Variants in ZNF799 observed in about 807,000 individuals in gnomAD.
ZNF799 encodes zinc finger protein 14.
ZNF799 carries 28 observed loss-of-function variants against 41.0 expected under a neutral mutation model. That is an observed-to-expected ratio of 0.68 (90% CI 0.51 to 0.94). The LOEUF (loss-of-function observed/expected upper bound fraction) is 0.94. Among genes scored for constraint, ZNF799 ranks in the 40% least tolerant of loss-of-function variants. The pLI is 0.00. For synonymous variants in ZNF799, 213 were observed against 252.9 expected (o/e 0.84, Z 1.50); for missense variants, 716 against 764.3 (o/e 0.94, Z 0.74).
chr19:12,396,416 A>C (rs1181747410), intron 1 of ZNF799, among the ~76,000 whole-genome samples: 2 of 152,304 alleles, frequency 1.3e-5, no homozygotes, highest in East Asian at 1.9e-4. Flanking sequence ...TTGGGAGGCC[A>C]AGGTGTGTGG....
chr19:12,392,768 T>C, intron 2 of ZNF799, 105 bp from the exon 3 acceptor site: 1 of 824,150 alleles, frequency 1.2e-6, no homozygotes, highest in East Asian at 2.6e-5. Flanking sequence ...TTCACTGAAG[T>C]ACACCTGACT....
intron 1 of ZNF799, among the ~76,000 whole-genome samples, chr19:12,397,734 T>C (rs1969918799): frequency 6.6e-6 from 1 of 151,526 alleles, no homozygotes; most frequent in South Asian, 2.1e-4. Context: ...ATTATATATG[T>C]ACATATGAAT....
At chr19:12,392,811 C>A (rs1797437885) in intron 2 of ZNF799, 148 bp from the exon 3 acceptor site, 1 of 586,670 alleles carries the variant, frequency 1.7e-6, no homozygotes, top group Admixed American at 3.3e-5. Context: ...TGCACAAGTC[C>A]ATTTGTATAT....
chr19:12,394,189 G>A (rs1351445946), intron 1 of ZNF799: 1 of 152,304 alleles, frequency 6.6e-6, no homozygotes, highest in Non-Finnish European at 1.5e-5. Flanking sequence ...CTTCTGAGAA[G>A]AGTAAGAGAT....
In ZNF799 at chr19:12,390,522, A is replaced by G. The variant is rs757316795; in HGVS notation, c.1876T>C (p.Cys626Arg). 1 of 1,613,834 alleles carries G rather than the reference A, an allele frequency of 6.2e-7. No individual in the cohort carries two copies. The highest frequency in any genetic ancestry group is 1.3e-5 in the African/African-American group (1 of 74,928). Residue 626 changes from cysteine (C) to arginine (R), a missense_variant, in exon 4 of 4, where the codon TGT becomes CGT. By Grantham distance (180) the Cys-to-Arg change is radical. Coordinates refer to ENST00000430385, the MANE Select transcript of ZNF799 (RefSeq NM_001080821.3). ...TGENPYGCKE[C>R]GKAFASLSSL... ...CTGAGAGAAGCAAATGCTTTCCCAC[A>G]TTCCTTACATCCATACGGGTTCTCT...
At chr19:12,414,214 T>TG in the ZNF799 span, among the ~76,000 whole-genome samples, 1 of 152,068 alleles carries the variant, frequency 6.6e-6, no homozygotes, top group Non-Finnish European at 1.5e-5. Flanking sequence ...TCCTGCCCCC[T>TG]GGGGAACTCA....
upstream of ZNF799, among the ~76,000 whole-genome samples, chr19:12,406,177 A>G (rs1970028470): frequency 6.6e-6 from 1 of 150,418 alleles, no homozygotes. Flanking sequence ...TCAAAAAAAA[A>G]AAAAAAAAGA....
At chr19:12,409,400 G>A in the ZNF799 span, among the ~76,000 whole-genome samples, 12 of 152,094 alleles carry the variant, frequency 7.9e-5, no homozygotes, top group African/African-American at 1.9e-4. Context: ...CCTGGCATAC[G>A]GCATAAATTT....
At chr19:12,401,298 C>G, upstream of ZNF799, 2 of 1,313,914 alleles carry the variant, frequency 1.5e-6, no homozygotes, top group Non-Finnish European at 2.0e-6. Flanking sequence ...CCCCACGGCC[C>G]TTACTGGATA....
chr19:12,399,557 C>T (rs574486065), intron 1 of ZNF799, among the ~76,000 whole-genome samples: 3,314 of 143,554 alleles, frequency 0.023, 144 homozygotes, highest in African/African-American at 0.092. Context: ...GGGCCACACC[C>T]CCCATCTCAG....
intron 1 of ZNF799, chr19:12,394,685 A>T (rs1969869651): frequency 1.0e-6 from 1 of 985,336 alleles, no homozygotes; most frequent in Non-Finnish European, 1.2e-6. Flanking sequence ...AAGACTGCAC[A>T]TATTCTTAGA....
upstream of ZNF799, among the ~76,000 whole-genome samples, chr19:12,406,168 CAAAAAAAAAAAA>C (rs940819306): frequency 9.2e-4 from 54 of 58,996 alleles, no homozygotes; most frequent in Admixed American, 2.1e-3. Context: ...GACTCTGTCT[CAAAAAAAAAAAA>C]AAAAAGAAAA....
At chr19:12,402,456 C>CT (rs1401027875), upstream of ZNF799, among the ~76,000 whole-genome samples, 10 of 134,120 alleles carry the variant, frequency 7.5e-5, no homozygotes, top group Admixed American at 8.4e-4. Flanking sequence ...CTAGCTGGGA[C>CT]TTCGAGTACT....
In ZNF799 at chr19:12,392,168, C is replaced by A; in HGVS notation, c.230G>T (p.Gly77Val). 1.3e-6 allele frequency: 2 copies of A among 1,590,844 alleles called. No individual in the cohort carries two copies. Among genetic ancestry groups the A allele is most frequent in the South Asian group, 1.1e-5 (1 of 88,036 alleles). ...GCTAGATGTTTCTCCACATTGAGTT[C>A]CATCTTTACTTTCAACAAATCTCTC... is the stretch of plus-strand genomic sequence containing the variant. ...MLERFVESKD[G>V]TQCGETSSQI... is the part of the protein sequence containing the mutation. The change falls in exon 4 of 4, where the codon GGA becomes GTA. Residue 77 changes from glycine to valine, a missense_variant. This residue lies in a region of ZNF799 where 698 missense variants were observed against 713.6 expected (regional missense o/e 0.98). Coordinates refer to ENST00000430385, the MANE Select transcript of ZNF799 (RefSeq NM_001080821.3).
At position 12,401,162 on chromosome 19, in the gene ZNF799, G is replaced by A. The variant is rs1969978760; in HGVS notation, c.-92C>T. 2.5e-6 allele frequency: 4 copies of A among 1,607,700 alleles called. No homozygotes were observed. The highest frequency in any genetic ancestry group is 1.1e-5 in the South Asian group (1 of 90,580). On this transcript the variant is annotated 5_prime_UTR_variant, in exon 1 of 4. Coordinates refer to ENST00000430385, the MANE Select transcript of ZNF799 (RefSeq NM_001080821.3). ...ACACAGGCTGCCACGGAACTTCCAG[G>A]TCGTCTCTTAGCTACAGAGCCGAGC...
intron 1 of ZNF799, among the ~76,000 whole-genome samples, chr19:12,399,154 G>C (rs1294472306): frequency 6.6e-6 from 1 of 152,168 alleles, no homozygotes; most frequent in African/African-American, 2.4e-5. Flanking sequence ...GGAATCAGCA[G>C]TGCTGACTGG....
rs1969794129 is a variant in ZNF799 at position 12,390,660 on chromosome 19, T to G, written c.1738A>C (p.Lys580Gln). 1 of 1,613,772 alleles carries G rather than the reference T, an allele frequency of 6.2e-7. No individual in the cohort carries two copies. Among genetic ancestry groups the G allele is most frequent in the Non-Finnish European group, 8.5e-7 (1 of 1,179,808 alleles). Residue 580 changes from lysine (K) to glutamine (Q), a missense_variant, in exon 4 of 4, where the codon AAA (lysine) becomes CAA (glutamine). By Grantham distance (53) the Lys-to-Gln change is moderately conservative. Transcript: ENST00000430385. ...THSRFLQGHE[K>Q]THTGENPYEC... Reference sequence around the variant, plus strand: ...TACGGGTTCTCTCCAGTATGAGTTTTTTCATGTCCTTGAAGAAAACGGGAA... The same window carrying G: ...TACGGGTTCTCTCCAGTATGAGTTTGTTCATGTCCTTGAAGAAAACGGGAA...
At chr19:12,412,696 C>T in the ZNF799 span, among the ~76,000 whole-genome samples, 1 of 151,948 alleles carries the variant, frequency 6.6e-6, no homozygotes, top group Non-Finnish European at 1.5e-5. Context: ...AATTAATCTA[C>T]CTGGGGGAGG....
At chr19:12,412,773 T>G in the ZNF799 span, among the ~76,000 whole-genome samples, 1 of 151,852 alleles carries the variant, frequency 6.6e-6, no homozygotes, top group South Asian at 2.1e-4. Flanking sequence ...GGGGTGGTGG[T>G]TCACGCCTGT....
Sources: gnomAD v4.1 joint callset for allele counts (sites outside exome capture counted in the v4.1 genomes callset) on GRCh38, gnomAD v4.1.1 for gene constraint, gnomAD v4.1.1 regional missense constraint, MANE v1.5 for transcripts, NCBI Gene and HGNC (gene_info 2026-07-23, HGNC 2026-07-21) for gene names.